The following PRDM11 variants were observed in gnomAD, a reference collection of about 807,000 sequenced individuals.
The protein encoded by PRDM11 is PR domain-containing protein 11.
PRDM11 carries 20 observed loss-of-function variants against 97.8 expected under a neutral mutation model. That is an observed-to-expected ratio of 0.20 (90% CI 0.14 to 0.30). The LOEUF is 0.30. PRDM11 is among the 10% of genes least tolerant of loss of function. The pLI is 1.00. For missense variants in PRDM11, 1,139 were observed against 1,555.2 expected (o/e 0.73, Z 4.50); for synonymous variants, 599 against 637.7 (o/e 0.94, Z 0.91).
At chr11:45,165,696 C>A (rs1303616970) in intron 1 of PRDM11, among the ~76,000 whole-genome samples, 1 of 152,204 alleles carries the variant, frequency 6.6e-6, no homozygotes, top group Non-Finnish European at 1.5e-5. Flanking sequence ...AGCTGAACAT[C>A]CACGTTTTTA....
intron 1 of PRDM11, among the ~76,000 whole-genome samples, chr11:45,165,848 A>G (rs1852050458): frequency 6.6e-6 from 1 of 152,080 alleles, no homozygotes; most frequent in African/African-American, 2.4e-5. Flanking sequence ...CTTCTAGTTA[A>G]TGGGCCCTTC....
At chr11:45,129,511 A>G (rs1309007038) in intron 1 of PRDM11, among the ~76,000 whole-genome samples, 1 of 152,206 alleles carries the variant, frequency 6.6e-6, no homozygotes, top group East Asian at 1.9e-4. Context: ...AACAAATTGG[A>G]AATAGAACCT....
intron 1 of PRDM11, among the ~76,000 whole-genome samples, chr11:45,114,225 A>G (rs1390674440): frequency 6.6e-6 from 1 of 152,178 alleles, no homozygotes; most frequent in Non-Finnish European, 1.5e-5. Flanking sequence ...TAGAGGGAAA[A>G]TCACAGCAAA....
intron 1 of PRDM11, among the ~76,000 whole-genome samples, chr11:45,178,666 G>A (rs1291803432): frequency 6.6e-6 from 1 of 152,234 alleles, no homozygotes; most frequent in Non-Finnish European, 1.5e-5. Context: ...TATTTACTGA[G>A]AATATGCTGT....
intron 1 of PRDM11, among the ~76,000 whole-genome samples, chr11:45,105,844 A>C (rs1029143369): frequency 6.6e-6 from 1 of 152,198 alleles, no homozygotes; most frequent in Admixed American, 6.5e-5. Flanking sequence ...AGACCCCTAC[A>C]AAGTGCTTGG....
chr11:45,106,918 C>A (rs1852072067), intron 1 of PRDM11, among the ~76,000 whole-genome samples: 1 of 152,218 alleles, frequency 6.6e-6, no homozygotes, highest in African/African-American at 2.4e-5. Context: ...TCAGATTGAG[C>A]ACTGAGTGAA....
At chr11:45,094,349 G>A (rs1401778194), upstream of PRDM11, among the ~76,000 whole-genome samples, 2 of 151,666 alleles carry the variant, frequency 1.3e-5, no homozygotes, top group Admixed American at 6.6e-5. Flanking sequence ...GGACAGATGC[G>A]ACCTGCCACC....
chr11:45,178,544 A>G (rs1048599136), intron 1 of PRDM11, among the ~76,000 whole-genome samples: 2 of 152,160 alleles, frequency 1.3e-5, no homozygotes, highest in African/African-American at 2.4e-5. Context: ...TAGGGAATCA[A>G]ACCCCCACCC....
intron 1 of PRDM11, among the ~76,000 whole-genome samples, chr11:45,148,354 G>A (rs1851576289): frequency 1.3e-5 from 2 of 152,216 alleles, no homozygotes; most frequent in Admixed American, 6.5e-5. Flanking sequence ...CAAGGAAGTT[G>A]TGAAATTAAA....
intron 1 of PRDM11, among the ~76,000 whole-genome samples, chr11:45,109,302 C>A (rs1852124469): frequency 6.6e-6 from 1 of 152,174 alleles, no homozygotes; most frequent in African/African-American, 2.4e-5. Context: ...CCCACCCCTG[C>A]CTTGAAAGGA....
chr11:45,225,655 TC>T (rs1854257482), intron 7 of PRDM11, among the ~76,000 whole-genome samples: 2 of 152,312 alleles, frequency 1.3e-5, no homozygotes, highest in South Asian at 4.1e-4. Flanking sequence ...GATGTGCTTT[TC>T]CTCCTCCATT....
At chr11:45,220,551 C>G (rs529891770) in intron 6 of PRDM11, among the ~76,000 whole-genome samples, 1 of 152,354 alleles carries the variant, frequency 6.6e-6, no homozygotes, top group Admixed American at 6.5e-5. Context: ...CCAGGGCCAC[C>G]TGGCTAGGAA....
chr11:45,208,421 G>A lies in PRDM11; in HGVS notation c.554+3643G>A, dbSNP rs560248277. On this transcript the variant is annotated intron_variant, in intron 5 of 7. Transcript: ENST00000683152. ...AGCTGTAGGGCTGTAGGTAAATATC[G>A]CTTTATAGAGGCAATGGGCTAATCC... Among the ~76,000 whole-genome samples the A allele has an allele frequency of 5.9e-5, 9 of 152,242 alleles. No homozygotes were observed. In the South Asian group the frequency reaches 1.9e-3, roughly 32 times the overall value.
intron 4 of PRDM11, among the ~76,000 whole-genome samples, chr11:45,185,136 A>G (rs1473808142): frequency 2.0e-5 from 3 of 152,160 alleles, no homozygotes; most frequent in Non-Finnish European, 4.4e-5. Context: ...ACTACCAGGG[A>G]TGCCATGGGT....
upstream of PRDM11, among the ~76,000 whole-genome samples, chr11:45,095,368 C>T (rs1202943098): frequency 6.6e-6 from 1 of 152,190 alleles, no homozygotes; most frequent in African/African-American, 2.4e-5. Context: ...CCCAGGCATC[C>T]CCTGACATTT....
At chr11:45,118,866 G>T (rs1268957951) in intron 1 of PRDM11, among the ~76,000 whole-genome samples, 1 of 152,182 alleles carries the variant, frequency 6.6e-6, no homozygotes, top group Non-Finnish European at 1.5e-5. Flanking sequence ...AATTAGGAAA[G>T]AAGAAAAAAT....
Position 45,228,025 on chromosome 11 carries a change from G to A in PRDM11, c.3400G>A (p.Asp1134Asn). 1 of 1,533,774 alleles carries A rather than the reference G, an allele frequency of 6.5e-7. No individual in the cohort carries two copies. Among genetic ancestry groups the A allele is most frequent in the Non-Finnish European group, 8.7e-7 (1 of 1,146,714 alleles). ...ITNFDAKRAL[D>N]SWFEEKSGNS... ...CAACTTTGATGCCAAGCGAGCCCTG[G>A]ACAGCTGGTTTGAGGAGAAGTCTGG... is the stretch of plus-strand genomic sequence containing the variant. Residue 1134 changes from aspartate (D) to asparagine (N), a missense_variant, in exon 8 of 8, where the codon GAC (aspartate) becomes AAC (asparagine). Asp to Asn is a conservative substitution (Grantham distance 23, BLOSUM62 1). Transcript: ENST00000683152.
chr11:45,112,654 CATT>C (rs1852209456), intron 1 of PRDM11, among the ~76,000 whole-genome samples: 1 of 152,172 alleles, frequency 6.6e-6, no homozygotes, highest in Non-Finnish European at 1.5e-5. Flanking sequence ...GGTGGTATCT[CATT>C]GTGGTTTGGA....
chr11:45,199,071 T>A (rs936692812), intron 4 of PRDM11, among the ~76,000 whole-genome samples: 1 of 152,230 alleles, frequency 6.6e-6, no homozygotes, highest in Non-Finnish European at 1.5e-5. Flanking sequence ...ATTTTTATTG[T>A]CTTTATTAAT....
Sources: gnomAD v4.1 joint callset for allele counts (sites outside exome capture counted in the v4.1 genomes callset) on GRCh38, gnomAD v4.1.1 for gene constraint, MANE v1.5 for transcripts, NCBI Gene and HGNC (gene_info 2026-07-23, HGNC 2026-07-21) for gene names.